The following TIMP3 variants were observed in gnomAD, a reference collection of about 807,000 sequenced individuals.
The protein encoded by TIMP3 is metalloproteinase inhibitor 3.
A neutral mutation model predicts 30.0 loss-of-function variants in TIMP3; 11 were observed. That is an observed-to-expected ratio of 0.37 (90% CI 0.23 to 0.61). The LOEUF is 0.61. TIMP3 is among the 20% of genes least tolerant of loss of function. The pLI is 0.70. For missense variants in TIMP3, 181 were observed against 276.8 expected (o/e 0.65, Z 2.45); for synonymous variants, 112 against 111.3 (o/e 1.01, Z -0.04).
chr22:32,822,172 A>G (rs4821105), intron 1 of TIMP3, among the ~76,000 whole-genome samples: 22,942 of 150,504 alleles, frequency 0.15, 2,281 homozygotes, highest in East Asian at 0.32. Context: ...AAAAAAAAAA[A>G]AAGAAGTTGG....
intron 1 of TIMP3, among the ~76,000 whole-genome samples, chr22:32,840,167 G>T (rs563826266): frequency 3.9e-5 from 6 of 152,302 alleles, no homozygotes; most frequent in African/African-American, 1.4e-4. Flanking sequence ...ATGATTTGCA[G>T]CTTTCCAGAT....
chr22:32,820,404 ATCC>A (rs2047213889), intron 1 of TIMP3, among the ~76,000 whole-genome samples: 1 of 150,136 alleles, frequency 6.7e-6, no homozygotes, highest in Non-Finnish European at 1.5e-5. Context: ...TGTGTGTGTC[ATCC>A]TCCTCTGCTC....
rs2048546444 is a variant in TIMP3 at position 32,861,781 on chromosome 22, A to G, written c.*2404A>G. 1.3e-5 allele frequency: 2 copies of G among 152,468 alleles called. No homozygotes were observed. The highest frequency in any genetic ancestry group is 1.3e-4 in the Admixed American group (2 of 15,276). 9.4% of individuals were successfully genotyped at this position (152,468 alleles called of 1,614,324 possible). On this transcript the variant is annotated 3_prime_UTR_variant, in exon 5 of 5. Coordinates refer to ENST00000266085, the MANE Select transcript of TIMP3 (RefSeq NM_000362.5). ...CTTTCTATAAGCTATAGCTTTGTTT[A>G]TTTCACCCGTTCACTTACTGTATAA...
In TIMP3 at chr22:32,862,934, T is replaced by C. The variant is rs2048586439; in HGVS notation, c.*3557T>C. 1 of 152,692 alleles carries C rather than the reference T, an allele frequency of 6.5e-6. No homozygotes were observed. The allele number at this position is 152,692 out of a possible 1,614,324, so 9.5% of individuals were successfully genotyped here. On this transcript the variant is annotated 3_prime_UTR_variant, in exon 5 of 5. Coordinates refer to ENST00000266085, the MANE Select transcript of TIMP3 (RefSeq NM_000362.5). ...TTACAGTTTTCCTCCATGTTATTTATGAATTTTATATTCCGTGAATGTATA... is the reference window on the plus strand; with the variant it reads ...TTACAGTTTTCCTCCATGTTATTTACGAATTTTATATTCCGTGAATGTATA...
intron 1 of TIMP3, among the ~76,000 whole-genome samples, chr22:32,843,583 A>T (rs1226015568): frequency 6.6e-6 from 1 of 152,212 alleles, no homozygotes; most frequent in East Asian, 1.9e-4. Context: ...AGGGGCCGTG[A>T]GACAAGCTGG....
chr22:32,826,100 C>T (rs1177049454), intron 1 of TIMP3, among the ~76,000 whole-genome samples: 1 of 152,074 alleles, frequency 6.6e-6, no homozygotes, highest in African/African-American at 2.4e-5. Flanking sequence ...TTTTTCCCAA[C>T]CTTTCTTTAG....
At chr22:32,830,804 G>C (rs2047551311) in intron 1 of TIMP3, among the ~76,000 whole-genome samples, 1 of 152,182 alleles carries the variant, frequency 6.6e-6, no homozygotes, top group South Asian at 2.1e-4. Flanking sequence ...GTGGCCCCTG[G>C]CTTCTCCCAG....
intron 1 of TIMP3, among the ~76,000 whole-genome samples, chr22:32,827,476 A>G (rs62232917): frequency 0.039 from 5,958 of 152,264 alleles, 157 homozygotes; most frequent in Non-Finnish European, 0.055. Context: ...ATGTGATGAT[A>G]TCTACCTCCT....
chr22:32,839,395 GAGTAAAAGCC>G (rs2047830879), intron 1 of TIMP3, among the ~76,000 whole-genome samples: 1 of 152,166 alleles, frequency 6.6e-6, no homozygotes, highest in Admixed American at 6.5e-5. Flanking sequence ...GCCATTTGCA[GAGTAAAAGCC>G]TCAGGGATTC....
intron 1 of TIMP3, among the ~76,000 whole-genome samples, chr22:32,810,391 A>C (rs894368955): frequency 8.5e-5 from 13 of 152,266 alleles, no homozygotes; most frequent in African/African-American, 2.9e-4. Context: ...ACAAGAAACT[A>C]TAAGTGTTTC....
At chr22:32,842,050 G>C (rs897319692) in intron 1 of TIMP3, among the ~76,000 whole-genome samples, 1 of 152,108 alleles carries the variant, frequency 6.6e-6, no homozygotes, top group Non-Finnish European at 1.5e-5. Context: ...AGAGGTTAGG[G>C]GGGAGGCTGC....
intron 1 of TIMP3, among the ~76,000 whole-genome samples, chr22:32,815,652 C>A (rs1008005330): frequency 2.0e-5 from 3 of 152,096 alleles, no homozygotes; most frequent in African/African-American, 7.2e-5. Context: ...AAATTCTATT[C>A]TTTACTATAA....
intron 1 of TIMP3, among the ~76,000 whole-genome samples, chr22:32,826,437 T>C (rs1255532072): frequency 1.3e-5 from 2 of 151,556 alleles, no homozygotes; most frequent in East Asian, 3.9e-4. Flanking sequence ...CAAAAATAAA[T>C]AAATAAATAA....
chr22:32,815,181 G>A (rs1228935432), intron 1 of TIMP3, among the ~76,000 whole-genome samples: 1 of 152,214 alleles, frequency 6.6e-6, no homozygotes, highest in Non-Finnish European at 1.5e-5. Context: ...CATGAACTGT[G>A]CACAGGGATA....
At chr22:32,856,534 T>C (rs1418941011) in intron 2 of TIMP3, among the ~76,000 whole-genome samples, 1 of 152,222 alleles carries the variant, frequency 6.6e-6, no homozygotes, top group East Asian at 1.9e-4. Flanking sequence ...TCTTATTTTA[T>C]TGATACATAA....
intron 1 of TIMP3, among the ~76,000 whole-genome samples, chr22:32,818,451 T>C (rs2047146371): frequency 2.0e-5 from 3 of 152,188 alleles, no homozygotes; most frequent in Admixed American, 2.0e-4. Context: ...TTCTGCTGTG[T>C]GATTCTGGTT....
intron 1 of TIMP3, among the ~76,000 whole-genome samples, chr22:32,817,812 A>AT (rs1413289151): frequency 6.6e-6 from 1 of 152,188 alleles, no homozygotes; most frequent in Non-Finnish European, 1.5e-5. Context: ...TTGAAGGTCC[A>AT]TGGGGCAGGC....
At chr22:32,828,624 G>T (rs890604234) in intron 1 of TIMP3, among the ~76,000 whole-genome samples, 1 of 152,236 alleles carries the variant, frequency 6.6e-6, no homozygotes, top group African/African-American at 2.4e-5. Context: ...CCAGGGACAG[G>T]AAGTGACCTG....
At chr22:32,806,931 T>C (rs532187312) in intron 1 of TIMP3, among the ~76,000 whole-genome samples, 7 of 152,232 alleles carry the variant, frequency 4.6e-5, no homozygotes, top group African/African-American at 1.7e-4. Context: ...TAGTAGTTTT[T>C]CCCTTAGAAA....
Sources: allele counts gnomAD v4.1 joint callset (sites outside exome capture counted in the v4.1 genomes callset), GRCh38; gene constraint gnomAD v4.1.1; transcripts MANE v1.5; gene names NCBI Gene and HGNC (gene_info 2026-07-23, HGNC 2026-07-21).